Variants in DYNC2I1 observed in about 807,000 individuals in gnomAD.
The protein encoded by DYNC2I1 is cytoplasmic dynein 2 intermediate chain 1.
A neutral mutation model predicts 133.4 loss-of-function variants in DYNC2I1; 89 were observed. The observed-to-expected ratio is 0.67, with a 90% CI of 0.56 to 0.80. The LOEUF (loss-of-function observed/expected upper bound fraction) is 0.80, where lower values mean the gene tolerates loss of function less well. DYNC2I1 is among the 30% of genes least tolerant of loss of function. The pLI is 0.00. For missense variants in DYNC2I1, 1,291 were observed against 1,314.5 expected, an observed-to-expected ratio of 0.98 and a Z score of 0.28; for synonymous variants, 504 against 484.3, an observed-to-expected ratio of 1.04 and a Z score of -0.54.
chr7:158,848,512 G>A, the DYNC2I1 span, among the ~76,000 whole-genome samples: 2 of 152,180 alleles, frequency 1.3e-5, no homozygotes, highest in Admixed American at 1.3e-4. Flanking sequence ...AGGCAAAAGG[G>A]AGTTAAAGGA....
intron 24 of DYNC2I1, among the ~76,000 whole-genome samples, chr7:158,943,871 G>A (rs6966362): frequency 0.036 from 5,456 of 152,198 alleles, 314 homozygotes; most frequent in African/African-American, 0.12. Flanking sequence ...GCCGGACGCC[G>A]GGTCAACCCT....
At chr7:158,860,943 G>A (rs539892611) in intron 1 of DYNC2I1, among the ~76,000 whole-genome samples, 1 of 152,278 alleles carries the variant, frequency 6.6e-6, no homozygotes, top group South Asian at 2.1e-4. Context: ...CGCTTGTGGG[G>A]TTCCTCCAGA....
At chr7:158,928,027 T>A (rs1000415112) in intron 20 of DYNC2I1, among the ~76,000 whole-genome samples, 1 of 152,158 alleles carries the variant, frequency 6.6e-6, no homozygotes, top group African/African-American at 2.4e-5. Context: ...AGTTTTGGAT[T>A]TACAACCCCA....
At chr7:158,871,645 C>T in intron 3 of DYNC2I1, 83 bp downstream of exon 3, 2 of 1,363,042 alleles carry the variant, frequency 1.5e-6, no homozygotes, top group Non-Finnish European at 1.9e-6. Context: ...GCTGCCTCCC[C>T]TCCCTCTCTC....
At chr7:158,876,957 C>T (rs1439023173) in intron 4 of DYNC2I1, among the ~76,000 whole-genome samples, 2 of 152,182 alleles carry the variant, frequency 1.3e-5, no homozygotes, top group African/African-American at 4.8e-5. Flanking sequence ...AATCCTCACC[C>T]ACAGGTAAGT....
intron 8 of DYNC2I1, among the ~76,000 whole-genome samples, chr7:158,892,617 T>A (rs1845343993): frequency 6.7e-6 from 1 of 150,244 alleles, no homozygotes. Context: ...AAGACTTTAT[T>A]TTTTTTTTAG....
intron 8 of DYNC2I1, among the ~76,000 whole-genome samples, chr7:158,901,130 G>A (rs1846211861): frequency 6.6e-6 from 1 of 152,076 alleles, no homozygotes. Flanking sequence ...TTGTGCAGTG[G>A]CGCGATCTTG....
the DYNC2I1 span, among the ~76,000 whole-genome samples, chr7:158,844,393 G>A: frequency 6.6e-6 from 1 of 152,106 alleles, no homozygotes; most frequent in Non-Finnish European, 1.5e-5. Flanking sequence ...TGACCCTGAG[G>A]AGGTTTTCAG....
intron 1 of DYNC2I1, among the ~76,000 whole-genome samples, chr7:158,864,163 A>G (rs958496553): frequency 2.0e-5 from 3 of 151,968 alleles, no homozygotes; most frequent in African/African-American, 7.2e-5. Flanking sequence ...GTGGCGGGGA[A>G]TGAGACGTGA....
chr7:158,900,534 G>C (rs891053333), intron 8 of DYNC2I1, among the ~76,000 whole-genome samples: 1 of 152,070 alleles, frequency 6.6e-6, no homozygotes, highest in African/African-American at 2.4e-5. Context: ...AAGATGCCTA[G>C]GTGTAGATGT....
chr7:158,865,795 G>T (rs1842351664), intron 1 of DYNC2I1, among the ~76,000 whole-genome samples: 1 of 152,158 alleles, frequency 6.6e-6, no homozygotes, highest in Non-Finnish European at 1.5e-5. Context: ...GTCTTTAAAA[G>T]GCCTTGGCAG....
At chr7:158,895,488 C>T (rs1845678298) in intron 8 of DYNC2I1, among the ~76,000 whole-genome samples, 1 of 152,166 alleles carries the variant, frequency 6.6e-6, no homozygotes, top group Admixed American at 6.5e-5. Flanking sequence ...TGTTCTGTTG[C>T]ATTCATCTAT....
upstream of DYNC2I1, among the ~76,000 whole-genome samples, chr7:158,855,491 G>A (rs762207426): frequency 2.0e-5 from 3 of 152,226 alleles, no homozygotes; most frequent in Non-Finnish European, 4.4e-5. Flanking sequence ...CTCCTAAAAC[G>A]TAATTTCTAA....
chr7:158,930,646 C>G lies in DYNC2I1; in HGVS notation c.2546+131C>G, dbSNP rs566070458. The stretch of plus-strand genomic sequence containing the variant: ...TCCATTTTCTCACATTGTTTTTTTA[C>G]TGTTTTGTTAGTCTATTATTTTTAT... On this transcript the variant is annotated intron_variant, in intron 21 of 24. Coordinates refer to ENST00000407559, the MANE Select transcript of DYNC2I1 (RefSeq NM_018051.5). 2.3e-4 allele frequency: 167 copies of G among 742,136 alleles called. 4 individuals carry two copies. The African/African-American group carries it at 2.3e-3, about 10-fold the overall frequency. 46.0% of individuals were successfully genotyped at this position (742,136 alleles called of 1,614,324 possible).
intron 1 of DYNC2I1, among the ~76,000 whole-genome samples, chr7:158,863,364 A>C (rs1248021276): frequency 6.6e-6 from 1 of 152,010 alleles, no homozygotes; most frequent in African/African-American, 2.4e-5. Context: ...ACAGTCCTTT[A>C]GCTGGACAGA....
chr7:158,949,614 C>T (rs1419029940), downstream of DYNC2I1, among the ~76,000 whole-genome samples: 2 of 144,350 alleles, frequency 1.4e-5, no homozygotes, highest in African/African-American at 2.5e-5. Flanking sequence ...GCCGCACAGA[C>T]GGCGCAGTTC....
intron 23 of DYNC2I1, among the ~76,000 whole-genome samples, chr7:158,939,746 C>T (rs1275689110): frequency 6.6e-6 from 1 of 152,132 alleles, no homozygotes; most frequent in Non-Finnish European, 1.5e-5. Flanking sequence ...CCTATAAAGA[C>T]ACACTCATAC....
In DYNC2I1 at chr7:158,900,585, G is replaced by C. The variant is rs369384385; in HGVS notation, c.1060-1154G>C. On this transcript the variant is annotated intron_variant, in intron 8 of 24. Transcript: ENST00000407559. ...GGTGTTCTATGAGCTTCCTGGATGC[G>C]TGGTTTGGTGTCTGACATCAGTTTG... Among the ~76,000 whole-genome samples the C allele has an allele frequency of 5.3e-5, 8 of 152,178 alleles. No homozygotes were observed. The East Asian group carries it at 1.4e-3, about 26-fold the overall frequency.
At position 158,891,263 on chromosome 7, in the gene DYNC2I1, A is replaced by G; in HGVS notation, c.991-2A>G. On this transcript the variant is annotated splice_acceptor_variant, in intron 7 of 24. Transcript: ENST00000407559. LOFTEE classifies it high-confidence loss of function. ...CTGATGGGGCTGTTCTCTCTCCATTAGCATGGCCACGAGGAAGGCTCTTCT... is the reference window on the plus strand; with the variant it reads ...CTGATGGGGCTGTTCTCTCTCCATTGGCATGGCCACGAGGAAGGCTCTTCT... 6.2e-7 allele frequency: 1 copy of G among 1,614,014 alleles called. No individual in the cohort carries two copies. The highest frequency in any genetic ancestry group is 1.1e-5 in the South Asian group (1 of 91,086).
Sources: allele counts gnomAD v4.1 joint callset (sites outside exome capture counted in the v4.1 genomes callset), GRCh38; gene constraint gnomAD v4.1.1; transcripts MANE v1.5; gene names NCBI Gene and HGNC (gene_info 2026-07-23, HGNC 2026-07-21).